Variants in GABRB2 observed in about 807,000 individuals in gnomAD.
The protein encoded by GABRB2 is gamma-aminobutyric acid type A receptor subunit beta2.
In GABRB2, 16 loss-of-function variants were observed where a neutral mutation model predicts 54.7. The observed-to-expected ratio is 0.29, with a 90% CI of 0.20 to 0.44. The LOEUF is 0.44. Among genes scored for constraint, GABRB2 ranks in the 20% least tolerant of loss-of-function variants. The pLI, the probability that GABRB2 is intolerant of heterozygous loss-of-function variation, is 1.00. For missense variants in GABRB2, 355 were observed against 644.0 expected (o/e 0.55, Z 4.86); for synonymous variants, 244 against 233.8 (o/e 1.04, Z -0.40).
chr5:161,305,535 G>C (rs1561600888), intron 9 of GABRB2, among the ~76,000 whole-genome samples: 2 of 152,262 alleles, frequency 1.3e-5, no homozygotes, highest in East Asian at 3.9e-4. Flanking sequence ...CTTACATCCT[G>C]ACAGGTGAAG....
intron 7 of GABRB2, 63 bp downstream of exon 7, chr5:161,334,689 G>T: frequency 1.3e-6 from 2 of 1,548,272 alleles, no homozygotes; most frequent in Non-Finnish European, 1.8e-6. Context: ...GAAAACGCGT[G>T]CATGCGAACA....
chr5:161,375,000 GT>G (rs1409711799), intron 5 of GABRB2, among the ~76,000 whole-genome samples: 2 of 152,060 alleles, frequency 1.3e-5, no homozygotes, highest in Non-Finnish European at 2.9e-5. Context: ...TTTTTTGCAT[GT>G]TTTACTATTG....
intron 4 of GABRB2, among the ~76,000 whole-genome samples, chr5:161,423,652 C>T (rs1358378339): frequency 1.3e-5 from 2 of 152,092 alleles, no homozygotes; most frequent in Non-Finnish European, 2.9e-5. Flanking sequence ...CTCCTCAGGC[C>T]TTCCTATTCC....
intron 5 of GABRB2, among the ~76,000 whole-genome samples, chr5:161,363,744 T>TTCCG (rs1754892356): frequency 1.3e-5 from 2 of 151,898 alleles, no homozygotes; most frequent in Non-Finnish European, 1.5e-5. Context: ...GCAATCATTC[T>TTCCG]TTCTTTAGCT....
chr5:161,536,961 A>C (rs1760655765), intron 3 of GABRB2, among the ~76,000 whole-genome samples: 1 of 151,700 alleles, frequency 6.6e-6, no homozygotes, highest in Non-Finnish European at 1.5e-5. Flanking sequence ...ACTTCTCAAA[A>C]GTGTAGTCTT....
intron 3 of GABRB2, among the ~76,000 whole-genome samples, chr5:161,509,556 G>A (rs181118973): frequency 1.8e-3 from 281 of 152,046 alleles, no homozygotes; most frequent in Middle Eastern, 6.8e-3. Flanking sequence ...ACATATTCAT[G>A]TCGATTTCTG....
intron 9 of GABRB2, among the ~76,000 whole-genome samples, chr5:161,301,806 A>T (rs1025260063): frequency 2.0e-5 from 3 of 152,196 alleles, no homozygotes; most frequent in Admixed American, 6.5e-5. Flanking sequence ...GAGAGGCTCT[A>T]TTAAGCATGC....
At chr5:161,366,833 G>GC in intron 5 of GABRB2, among the ~76,000 whole-genome samples, 1 of 152,180 alleles carries the variant, frequency 6.6e-6, no homozygotes, top group Non-Finnish European at 1.5e-5. Context: ...TGTAATCGCA[G>GC]CTACTCAGGA....
chr5:161,383,066 A>G (rs1228435868), intron 5 of GABRB2, among the ~76,000 whole-genome samples: 1 of 152,202 alleles, frequency 6.6e-6, no homozygotes, highest in Non-Finnish European at 1.5e-5. Flanking sequence ...TTAATTTTAA[A>G]ATACGTAATT....
Position 161,502,824 on chromosome 5 carries a change from G to A in GABRB2, c.237+42403C>T, listed in dbSNP as rs181133483. ...TACTGGGTAGGATACTGGAGAGGAG[G>A]GAGTTGCACAGAGAAGAAACTACAG... On this transcript the variant is annotated intron_variant, in intron 3 of 9. Coordinates refer to ENST00000393959, the MANE Select transcript of GABRB2 (RefSeq NM_001371727.1). 2.0e-5 allele frequency among the ~76,000 whole-genome samples: 3 copies of A among 152,256 alleles called. No individual in the cohort carries two copies. The East Asian group carries it at 5.8e-4, about 29-fold the overall frequency.
intron 3 of GABRB2, among the ~76,000 whole-genome samples, chr5:161,532,163 C>A (rs192876761): frequency 8.5e-5 from 13 of 152,148 alleles, no homozygotes; most frequent in African/African-American, 3.1e-4. Context: ...ACTTTTGTTT[C>A]AATCATCACA....
intron 3 of GABRB2, among the ~76,000 whole-genome samples, chr5:161,503,437 T>C (rs1759507719): frequency 6.6e-6 from 1 of 152,042 alleles, no homozygotes; most frequent in African/African-American, 2.4e-5. Flanking sequence ...TCCAAATAGA[T>C]AATTAATCAC....
chr5:161,310,683 A>G (rs202067834), intron 9 of GABRB2, among the ~76,000 whole-genome samples: 1,653 of 148,424 alleles, frequency 0.011, 28 homozygotes, highest in South Asian at 0.053. Context: ...GCGCGCACAC[A>G]CACACACACA....
At chr5:161,343,623 T>C (rs1238516865) in intron 5 of GABRB2, among the ~76,000 whole-genome samples, 1 of 152,036 alleles carries the variant, frequency 6.6e-6, no homozygotes, top group Non-Finnish European at 1.5e-5. Flanking sequence ...AAGCAGTTAA[T>C]CTACTGACAC....
intron 3 of GABRB2, among the ~76,000 whole-genome samples, chr5:161,473,042 C>G (rs986935466): frequency 6.6e-6 from 1 of 151,846 alleles, no homozygotes; most frequent in Non-Finnish European, 1.5e-5. Context: ...CTCACACAGC[C>G]TAATTTATCA....
rs988555154 is a variant in GABRB2 at position 161,317,329 on chromosome 5, A to G, written c.1191+9039T>C. ...TTATACAAATGAAACAAAAACAAAA[A>G]CAAACACTTTAGAAAGATATAAAGA... On this transcript the variant is annotated intron_variant, in intron 9 of 9. Coordinates refer to ENST00000393959, the MANE Select transcript of GABRB2 (RefSeq NM_001371727.1). 5.3e-5 allele frequency among the ~76,000 whole-genome samples: 8 copies of G among 152,302 alleles called. No homozygotes were observed. The East Asian group carries it at 1.5e-3, about 29-fold the overall frequency.
At chr5:161,498,661 C>T (rs762440440) in intron 3 of GABRB2, among the ~76,000 whole-genome samples, 1 of 152,040 alleles carries the variant, frequency 6.6e-6, no homozygotes, top group Non-Finnish European at 1.5e-5. Context: ...TGATCTGGGT[C>T]CAGGGTCCAA....
At chr5:161,396,794 T>C (rs1419741357) in intron 5 of GABRB2, among the ~76,000 whole-genome samples, 2 of 152,166 alleles carry the variant, frequency 1.3e-5, no homozygotes, top group African/African-American at 2.4e-5. Context: ...AATAAAGTTA[T>C]AAAAAATAGC....
chr5:161,544,554 G>T (rs1700608864), intron 3 of GABRB2, among the ~76,000 whole-genome samples: 1 of 152,226 alleles, frequency 6.6e-6, no homozygotes, highest in African/African-American at 2.4e-5. Context: ...CACGGAGGCA[G>T]CCACTAAGGA....
Sources: allele counts gnomAD v4.1 joint callset (sites outside exome capture counted in the v4.1 genomes callset), GRCh38; gene constraint gnomAD v4.1.1; transcripts MANE v1.5; gene names NCBI Gene and HGNC (gene_info 2026-07-23, HGNC 2026-07-21).